NRSN2: variants seen among roughly 807,000 people sequenced by gnomAD.
NRSN2 encodes neurensin 2, also known as neurensin-2.
NRSN2 carries 10 observed loss-of-function variants against 11.1 expected under a neutral mutation model. That is an observed-to-expected ratio of 0.90 (90% CI 0.56 to 1.53). The LOEUF (loss-of-function observed/expected upper bound fraction) is 1.53. NRSN2 is among the 40% of genes most tolerant of loss of function. The pLI is 0.00. For missense variants in NRSN2, 260 were observed against 273.7 expected, an observed-to-expected ratio of 0.95 and a Z score of 0.35; for synonymous variants, 100 against 117.0, an observed-to-expected ratio of 0.86 and a Z score of 0.94.
Position 353,511 on chromosome 20 carries a change from A to G in NRSN2, c.491A>G (p.Asp164Gly), listed in dbSNP as rs1042072367. ...EADSHVEVFG[D>G]EPEQQLSPIF... ...GACAGCCACGTGGAGGTCTTCGGGG[A>G]TGAGCCAGAGCAGCAGTTGTCACCC... Residue 164 changes from aspartate (D) to glycine (G), a missense_variant, in exon 5 of 5, where the codon GAT (aspartate) becomes GGT (glycine). Asp to Gly is a moderately conservative substitution (Grantham distance 94, BLOSUM62 -1). Transcript: ENST00000382285. The G allele has an allele frequency of 6.2e-7, 1 of 1,614,130 alleles. No homozygotes were observed. Among genetic ancestry groups the G allele is most frequent in the Non-Finnish European group, 8.5e-7 (1 of 1,180,006 alleles).
chr20:349,462 T>C, intron 3 of NRSN2, 99 bp downstream of exon 3: 1 of 559,166 alleles, frequency 1.8e-6, no homozygotes, highest in Non-Finnish European at 3.2e-6. Context: ...ATTCGCAGTG[T>C]GCTTTGGGAA....
chr20:350,240 G>A (rs962278580), intron 4 of NRSN2, among the ~76,000 whole-genome samples: 15 of 151,914 alleles, frequency 9.9e-5, no homozygotes, highest in Non-Finnish European at 1.5e-4. Flanking sequence ...TTTGGTAGGC[G>A]GAGGCTGAGG....
At chr20:349,564 G>A in intron 3 of NRSN2, 74 bp from the exon 4 acceptor site, 1 of 1,243,048 alleles carries the variant, frequency 8.0e-7, no homozygotes, top group Middle Eastern at 2.8e-4. Context: ...AAGATTTAGG[G>A]GGCTTATGAA....
chr20:348,107 C>T (rs2013585734), intron 2 of NRSN2: 1 of 152,466 alleles, frequency 6.6e-6, no homozygotes. Context: ...CACCTGTGGC[C>T]TTGAACAGTG....
rs193266613 is a variant in NRSN2 at position 349,592 on chromosome 20, C to A, written c.-6-46C>A. 1.8e-4 allele frequency: 276 copies of A among 1,513,330 alleles called. 2 individuals are homozygous for A. The East Asian group carries it at 5.2e-3, about 29-fold the overall frequency. The allele number at this position is 1,513,330 out of a possible 1,614,324, so 93.7% of individuals were successfully genotyped here. A position where few individuals can be genotyped will look rare whatever the true frequency, so the allele number is the denominator to read the frequency against. On this transcript the variant is annotated intron_variant, in intron 3 of 4. Coordinates refer to ENST00000382285, the MANE Select transcript of NRSN2 (RefSeq NM_001323682.2). ...CTTATGAAGGTCACCATGAGCAGCT[C>A]CCACTAATCCCTCCCTCCGTCAGCT...
chr20:350,820 G>GT (rs1167639094), intron 4 of NRSN2, among the ~76,000 whole-genome samples: 1 of 151,926 alleles, frequency 6.6e-6, no homozygotes, highest in Non-Finnish European at 1.5e-5. Context: ...CCTCCTCATG[G>GT]TGCCCCTACC....
chr20:349,773 G>C lies in NRSN2; in HGVS notation c.130G>C (p.Asp44His), dbSNP rs112421707. The C allele has an allele frequency of 2.5e-6, 4 of 1,613,402 alleles. No individual in the cohort carries two copies. The Admixed American group carries it at 5.0e-5, about 20-fold the overall frequency. ...CTGTGCAGGCACTGCTCTCAGCGAC[G>C]ACCCTGAGGGACCTCCGGTCCTGTG... ...EDCAGTALSD[D>H]PEGPPVLCPR... The change falls in exon 4 of 5, where the codon GAC becomes CAC. Residue 44 changes from aspartate (D) to histidine (H), a missense_variant. By Grantham distance (81) the Asp-to-His change is moderately conservative. Transcript: ENST00000382285.
chr20:348,607 T>C (rs2013668785), intron 2 of NRSN2, among the ~76,000 whole-genome samples: 1 of 151,598 alleles, frequency 6.6e-6, no homozygotes, highest in Non-Finnish European at 1.5e-5. Flanking sequence ...TGAGTTTCTC[T>C]ATGCAGGGAT....
chr20:353,099 G>A, intron 4 of NRSN2, 111 bp from the exon 5 acceptor site: 2 of 932,002 alleles, frequency 2.1e-6, no homozygotes, highest in Non-Finnish European at 3.4e-6. Flanking sequence ...CCCATCTCCT[G>A]AGGATGGATC....
chr20:348,483 C>CGG (rs1568514032), intron 2 of NRSN2: 7 of 32,340 alleles, frequency 2.2e-4, no homozygotes, highest in African/African-American at 1.1e-3. Context: ...GAACCTCCAA[C>CGG]CGTGTGTGTG....
rs867608582 is a variant in NRSN2 at position 349,680 on chromosome 20, C to T, written c.37C>T (p.Arg13Cys). The T allele has an allele frequency of 1.1e-5, 17 of 1,612,694 alleles. No individual in the cohort carries two copies. Among genetic ancestry groups the T allele is most frequent in the East Asian group, 6.7e-5 (3 of 44,890 alleles). Residue 13 changes from arginine (R) to cysteine (C), a missense_variant, in exon 4 of 5, where the codon CGC (arginine) becomes TGC (cysteine). By Grantham distance (180) the Arg-to-Cys change is radical (BLOSUM62 -3). Transcript: ENST00000382285. Reference sequence around the variant, plus strand: ...CTGCAATCGTTCCTGCAGCTGCAGCCGCGGCCCCAGCGTGGAGGATGGCAA... The same window carrying T: ...CTGCAATCGTTCCTGCAGCTGCAGCTGCGGCCCCAGCGTGGAGGATGGCAA... Reference protein sequence around the residue: ...PSCNRSCSCSRGPSVEDGKWY... With the variant: ...PSCNRSCSCSCGPSVEDGKWY...
chr20:352,680 A>G lies in NRSN2; in HGVS notation c.190-530A>G, dbSNP rs988979855. On this transcript the variant is annotated intron_variant, in intron 4 of 4. Coordinates refer to ENST00000382285, the MANE Select transcript of NRSN2 (RefSeq NM_001323682.2). ...CAGAAGACTCCTAGTGAGCCAAAAC[A>G]GGCACAGTCTGCTCTCATGGAGCTC... 4.6e-5 allele frequency among the ~76,000 whole-genome samples: 7 copies of G among 152,248 alleles called. No individual in the cohort carries two copies. In the East Asian group the frequency reaches 1.3e-3, roughly 29 times the overall value.
intron 4 of NRSN2, among the ~76,000 whole-genome samples, chr20:352,477 A>T (rs1324513862): frequency 2.0e-5 from 3 of 152,240 alleles, no homozygotes; most frequent in Non-Finnish European, 2.9e-5. Flanking sequence ...AGGAAAGGTT[A>T]GTGTGTATTT....
Position 353,581 on chromosome 20 carries a change from C to A in NRSN2, c.561C>A (p.Ala187=). The A allele has an allele frequency of 6.2e-7, 1 of 1,614,224 alleles. No homozygotes were observed. The highest frequency in any genetic ancestry group is 8.5e-7 in the Non-Finnish European group (1 of 1,180,046). Residue 187 remains alanine, a synonymous_variant, in exon 5 of 5, where the codon GCC becomes GCA. Coordinates refer to ENST00000382285, the MANE Select transcript of NRSN2 (RefSeq NM_001323682.2). ...GCCAGTCATGGTTCTCGCCACCCGC[C>A]AGCCCCTTTGGGCAATCTTCTGTGC... ...ASGQSWFSPP[A]SPFGQSSVQT...
chr20:353,893 T>A lies in NRSN2; in HGVS notation c.*258T>A, dbSNP rs2014196302. ...CCAAGGCCCTCAGGGGCAGAAAACA[T>A]CTCCTTCAACCCGTCCCCACTCCTT... On this transcript the variant is annotated 3_prime_UTR_variant, in exon 5 of 5. Coordinates refer to ENST00000382285, the MANE Select transcript of NRSN2 (RefSeq NM_001323682.2). 3.8e-6 allele frequency: 2 copies of A among 526,012 alleles called. No individual in the cohort carries two copies. 32.6% of individuals were successfully genotyped at this position (526,012 alleles called of 1,614,324 possible).
At chr20:349,954 C>A in intron 4 of NRSN2, 122 bp downstream of exon 4, 2 of 804,548 alleles carry the variant, frequency 2.5e-6, no homozygotes, top group Non-Finnish European at 3.7e-6. Context: ...CACAGTCAAG[C>A]AACAGAAAAC....
chr20:352,639 C>T (rs971963106), intron 4 of NRSN2, among the ~76,000 whole-genome samples: 3 of 152,094 alleles, frequency 2.0e-5, no homozygotes, highest in Admixed American at 1.3e-4. Context: ...TGCTCTGTGC[C>T]GGCACGTGCT....
rs192343105 is a variant in NRSN2 at position 350,520 on chromosome 20, C to T, written c.189+688C>T. Among the ~76,000 whole-genome samples, 14 of 147,626 alleles carry T rather than the reference C, an allele frequency of 9.5e-5. No homozygotes were observed. The East Asian group carries it at 1.6e-3, about 17-fold the overall frequency. The stretch of plus-strand genomic sequence containing the variant: ...AAAATGAGCCGGGCGTGGTGGCAGG[C>T]GCCTGTAATCCCAGTTACTTAGGAG... On this transcript the variant is annotated intron_variant, in intron 4 of 4. Coordinates refer to ENST00000382285, the MANE Select transcript of NRSN2 (RefSeq NM_001323682.2).
intron 4 of NRSN2, among the ~76,000 whole-genome samples, chr20:352,224 C>T (rs150993329): frequency 1.4e-3 from 218 of 152,230 alleles, no homozygotes; most frequent in African/African-American, 5.1e-3. Context: ...GGAGACTAGT[C>T]GGCCAGGGTG....
Sources: allele counts gnomAD v4.1 joint callset (sites outside exome capture counted in the v4.1 genomes callset), GRCh38; gene constraint gnomAD v4.1.1; transcripts MANE v1.5; gene names NCBI Gene and HGNC (gene_info 2026-07-23, HGNC 2026-07-21).